CSMD3: variants seen among roughly 807,000 people sequenced by gnomAD.
The protein encoded by CSMD3 is CUB and sushi domain-containing protein 3.
Under a neutral mutation model 435.2 loss-of-function variants are expected in CSMD3, and 177 were observed. The ratio of observed to expected loss-of-function variants is 0.41; its 90% CI spans 0.36 to 0.46. CSMD3 has a LOEUF of 0.46. Ranked by LOEUF, CSMD3 falls within the 20% of genes least tolerant of loss-of-function variation. The probability of loss-of-function intolerance (pLI) is 0.34; values close to 1 mark genes in which losing one functional copy is unlikely to be tolerated. For missense variants in CSMD3, 4,265 were observed against 4,504.6 expected (o/e 0.95, Z 1.52); for synonymous variants, 1,656 against 1,520.5 (o/e 1.09, Z -2.07).
At chr8:112,657,229 A>T (rs1563820127) in intron 17 of CSMD3, among the ~76,000 whole-genome samples, 1 of 151,916 alleles carries the variant, frequency 6.6e-6, no homozygotes, top group Non-Finnish European at 1.5e-5. Context: ...CGCCTGGCGG[A>T]TTTTTGTATT....
At chr8:112,547,104 AT>A (rs1182412177) in intron 27 of CSMD3, among the ~76,000 whole-genome samples, 1 of 152,194 alleles carries the variant, frequency 6.6e-6, no homozygotes, top group African/African-American at 2.4e-5. Flanking sequence ...GGGGGCTCAA[AT>A]AAAATCTGAC....
chr8:112,743,798 C>T (rs1282910539), intron 13 of CSMD3, among the ~76,000 whole-genome samples: 1 of 151,942 alleles, frequency 6.6e-6, no homozygotes, highest in South Asian at 2.1e-4. Context: ...TAAATAAAAT[C>T]GTTCTGATAA....
intron 32 of CSMD3, among the ~76,000 whole-genome samples, chr8:112,420,536 T>C (rs1253723302): frequency 2.7e-4 from 41 of 152,170 alleles, no homozygotes; most frequent in Admixed American, 2.6e-3. Context: ...TACATTTCAT[T>C]CGATTGATGT....
chr8:113,306,419 T>C (rs988305354), intron 2 of CSMD3, among the ~76,000 whole-genome samples: 1 of 152,136 alleles, frequency 6.6e-6, no homozygotes, highest in Non-Finnish European at 1.5e-5. Flanking sequence ...TGTCATCAGG[T>C]AGAGTTAAAT....
At chr8:112,555,209 T>C (rs1828013104) in intron 25 of CSMD3, among the ~76,000 whole-genome samples, 1 of 151,994 alleles carries the variant, frequency 6.6e-6, no homozygotes, top group Admixed American at 6.6e-5. Flanking sequence ...GCGAACATAA[T>C]TAAAACCTTC....
chr8:112,955,917 T>G (rs1299002783), intron 7 of CSMD3, among the ~76,000 whole-genome samples: 1 of 151,934 alleles, frequency 6.6e-6, no homozygotes, highest in Non-Finnish European at 1.5e-5. Context: ...AAGCAATTAG[T>G]TCAAATTATG....
At chr8:113,145,393 C>A (rs2091649733) in intron 4 of CSMD3, among the ~76,000 whole-genome samples, 1 of 151,528 alleles carries the variant, frequency 6.6e-6, no homozygotes, top group Admixed American at 6.6e-5. Context: ...AACACAGTAT[C>A]CTATTGTTAC....
At chr8:112,692,882 CT>C (rs1290126266) in intron 13 of CSMD3, among the ~76,000 whole-genome samples, 1 of 151,864 alleles carries the variant, frequency 6.6e-6, no homozygotes, top group African/African-American at 2.4e-5. Context: ...TTATCAATCT[CT>C]TTCTGTGTCT....
At chr8:113,325,559 G>A (rs759435272) in intron 1 of CSMD3, among the ~76,000 whole-genome samples, 2 of 152,060 alleles carry the variant, frequency 1.3e-5, no homozygotes, top group African/African-American at 4.8e-5. Flanking sequence ...GTTGAGTCTC[G>A]GGTATGTCTT....
intron 5 of CSMD3, among the ~76,000 whole-genome samples, chr8:113,076,875 T>C (rs1239677727): frequency 2.0e-5 from 3 of 152,142 alleles, no homozygotes; most frequent in African/African-American, 7.2e-5. Context: ...AAAATTCAAG[T>C]AATAATTCAT....
intron 2 of CSMD3, among the ~76,000 whole-genome samples, chr8:113,290,781 T>C (rs1393480894): frequency 6.6e-6 from 1 of 151,682 alleles, no homozygotes; most frequent in African/African-American, 2.4e-5. Context: ...ATGATCATTA[T>C]TTTCTTGTCA....
chr8:112,728,038 T>C (rs1458998014), intron 13 of CSMD3, among the ~76,000 whole-genome samples: 1 of 151,974 alleles, frequency 6.6e-6, no homozygotes, highest in Non-Finnish European at 1.5e-5. Flanking sequence ...GGCATTTTCT[T>C]GTTGTTTATC....
intron 13 of CSMD3, among the ~76,000 whole-genome samples, chr8:112,705,501 C>T (rs1276488613): frequency 1.3e-5 from 2 of 152,016 alleles, no homozygotes; most frequent in Admixed American, 6.6e-5. Context: ...TGAGGACTCT[C>T]ATGTACATTT....
intron 50 of CSMD3, 129 bp downstream of exon 50, chr8:112,310,849 T>TA (rs1374194651): frequency 2.6e-6 from 2 of 776,954 alleles, no homozygotes; most frequent in African/African-American, 3.4e-5. Flanking sequence ...GCCTTGTTTT[T>TA]ATGAAAAGAG....
At chr8:112,235,791 T>C (rs145419804) in intron 67 of CSMD3, among the ~76,000 whole-genome samples, 3 of 152,126 alleles carry the variant, frequency 2.0e-5, no homozygotes, top group African/African-American at 2.4e-5. Context: ...AAGTAATCGA[T>C]AATATTGCTG....
chr8:112,448,454 T>C (rs1178221704), intron 32 of CSMD3, among the ~76,000 whole-genome samples: 1 of 151,964 alleles, frequency 6.6e-6, no homozygotes, highest in African/African-American at 2.4e-5. Flanking sequence ...CGTACACACA[T>C]ACAACAGAGG....
At chr8:113,334,131 T>G (rs2094050029) in intron 1 of CSMD3, among the ~76,000 whole-genome samples, 1 of 151,912 alleles carries the variant, frequency 6.6e-6, no homozygotes, top group Non-Finnish European at 1.5e-5. Flanking sequence ...CCAGTTGAAC[T>G]CACTTATGTA....
intron 36 of CSMD3, among the ~76,000 whole-genome samples, chr8:112,387,294 T>C (rs1327707270): frequency 6.6e-6 from 1 of 152,220 alleles, no homozygotes; most frequent in East Asian, 1.9e-4. Context: ...TTTTCAAGAA[T>C]GATTATCCCA....
chr8:112,949,308 A>T (rs941966384), intron 8 of CSMD3, among the ~76,000 whole-genome samples: 2 of 151,962 alleles, frequency 1.3e-5, no homozygotes, highest in Admixed American at 6.6e-5. Context: ...TACCAACCAT[A>T]TCCTTCTTGC....
Sources: allele counts gnomAD v4.1 joint callset (sites outside exome capture counted in the v4.1 genomes callset), GRCh38; gene constraint gnomAD v4.1.1; transcripts MANE v1.5; gene names NCBI Gene and HGNC (gene_info 2026-07-23, HGNC 2026-07-21).